CDC42BPA: variants seen among roughly 807,000 people sequenced by gnomAD.
CDC42BPA encodes the protein CDC42 binding protein kinase alpha.
Under a neutral mutation model 223.5 loss-of-function variants are expected in CDC42BPA, and 80 were observed. The ratio of observed to expected loss-of-function variants is 0.36; its 90% CI spans 0.30 to 0.43. The LOEUF is 0.43. Among genes scored for constraint, CDC42BPA ranks in the 20% least tolerant of loss-of-function variants. The pLI is 1.00. For synonymous variants in CDC42BPA, 694 were observed against 718.6 expected (o/e 0.97, Z 0.55); for missense variants, 1,743 against 2,099.9 (o/e 0.83, Z 3.32).
intron 6 of CDC42BPA, among the ~76,000 whole-genome samples, chr1:227,148,802 T>C (rs1347406858): frequency 3.2e-5 from 3 of 92,570 alleles, no homozygotes; most frequent in East Asian, 2.9e-4. Context: ...AAAAAAAAGC[T>C]AGATAAAATA....
intron 3 of CDC42BPA, 44 bp downstream of exon 3, chr1:227,213,092 A>G (rs779941209): frequency 1.0e-6 from 1 of 967,992 alleles, no homozygotes; most frequent in Non-Finnish European, 1.6e-6. Context: ...TTCCTGAAAA[A>G]TATTTCTAAA....
intron 16 of CDC42BPA, among the ~76,000 whole-genome samples, chr1:227,082,662 C>G (rs1031910406): frequency 7.5e-6 from 1 of 133,154 alleles, no homozygotes; most frequent in Non-Finnish European, 1.5e-5. Context: ...TTGCAGTGAG[C>G]TGAGATTGCG....
chr1:227,188,229 A>G (rs1477076910), intron 5 of CDC42BPA, among the ~76,000 whole-genome samples: 1 of 152,212 alleles, frequency 6.6e-6, no homozygotes, highest in Non-Finnish European at 1.5e-5. Context: ...CAATGATACA[A>G]GGGACAAGAA....
Position 227,003,041 on chromosome 1 carries a change from T to C in CDC42BPA, c.4975+1953A>G, listed in dbSNP as rs990502477. ...TTCTTATGCAGCAAGAGATAACTAATACAGCATCATTCATCTTTATGTCGT... is the reference window on the plus strand; with the variant it reads ...TTCTTATGCAGCAAGAGATAACTAACACAGCATCATTCATCTTTATGTCGT... On this transcript the variant is annotated intron_variant, in intron 35 of 36. Transcript: ENST00000366766. Among the ~76,000 whole-genome samples, 41 of 152,118 alleles carry C rather than the reference T, an allele frequency of 2.7e-4. 1 individual carries two copies. Among genetic ancestry groups the C allele is most frequent in the Admixed American group, 2.4e-3 (36 of 15,274 alleles).
chr1:227,066,472 G>A (rs904257339), intron 21 of CDC42BPA, among the ~76,000 whole-genome samples: 1 of 152,138 alleles, frequency 6.6e-6, no homozygotes, highest in Non-Finnish European at 1.5e-5. Context: ...AGCGTTATGC[G>A]AAATATCTTG....
chr1:227,266,861 A>G (rs1040834910), intron 1 of CDC42BPA, among the ~76,000 whole-genome samples: 2 of 152,244 alleles, frequency 1.3e-5, no homozygotes, highest in African/African-American at 4.8e-5. Context: ...TGACCTAAAT[A>G]GTCCATTTAT....
intron 1 of CDC42BPA, among the ~76,000 whole-genome samples, chr1:227,277,703 A>T (rs1238801188): frequency 6.6e-6 from 1 of 152,220 alleles, no homozygotes; most frequent in Admixed American, 6.5e-5. Context: ...TTTACTAAAA[A>T]TTTAAAATCT....
chr1:227,199,525 A>C, intron 4 of CDC42BPA, 32 bp downstream of exon 4: 1 of 1,162,980 alleles, frequency 8.6e-7, no homozygotes, highest in Non-Finnish European at 1.3e-6. Context: ...CAACAAAAAA[A>C]CAGTATATAG....
chr1:227,310,181 T>C (rs566839668), intron 1 of CDC42BPA, among the ~76,000 whole-genome samples: 1 of 152,362 alleles, frequency 6.6e-6, no homozygotes, highest in East Asian at 1.9e-4. Flanking sequence ...AAAAAAAGCC[T>C]ATTCCATAGT....
chr1:227,088,289 C>G (rs1333585949), intron 16 of CDC42BPA, among the ~76,000 whole-genome samples: 2 of 152,110 alleles, frequency 1.3e-5, no homozygotes, highest in African/African-American at 4.8e-5. Context: ...CAAAGATGAC[C>G]TGCACATAGT....
chr1:227,268,811 A>C (rs1470808228), intron 1 of CDC42BPA, among the ~76,000 whole-genome samples: 1 of 151,476 alleles, frequency 6.6e-6, no homozygotes, highest in Non-Finnish European at 1.5e-5. Context: ...TCAGCCTCCC[A>C]AGTAGCTGCG....
intron 14 of CDC42BPA, among the ~76,000 whole-genome samples, chr1:227,108,693 T>G (rs1572859246): frequency 1.3e-5 from 2 of 152,286 alleles, no homozygotes; most frequent in East Asian, 3.9e-4. Context: ...TATACAATGG[T>G]ACAGTGTTTG....
At chr1:227,293,057 T>C (rs1689967389) in intron 1 of CDC42BPA, among the ~76,000 whole-genome samples, 1 of 152,170 alleles carries the variant, frequency 6.6e-6, no homozygotes, top group Non-Finnish European at 1.5e-5. Flanking sequence ...GATTTAACTG[T>C]ATCAAAACAT....
chr1:227,303,204 C>G (rs1011948638), intron 1 of CDC42BPA, among the ~76,000 whole-genome samples: 2 of 152,154 alleles, frequency 1.3e-5, no homozygotes, highest in African/African-American at 4.8e-5. Context: ...CCCCTGATAA[C>G]AAATCTCACT....
chr1:227,297,989 C>CAT (rs1205408321), intron 1 of CDC42BPA, among the ~76,000 whole-genome samples: 2 of 134,158 alleles, frequency 1.5e-5, no homozygotes, highest in African/African-American at 5.3e-5. Flanking sequence ...CACATATATA[C>CAT]ATATATATAC....
chr1:227,241,652 C>T (rs1312213362), intron 2 of CDC42BPA, among the ~76,000 whole-genome samples: 2 of 152,090 alleles, frequency 1.3e-5, no homozygotes, highest in Non-Finnish European at 2.9e-5. Flanking sequence ...CTCAGAACAG[C>T]GGTTGCCATT....
intron 1 of CDC42BPA, among the ~76,000 whole-genome samples, chr1:227,267,861 AG>A (rs1298981927): frequency 6.6e-6 from 1 of 152,058 alleles, no homozygotes; most frequent in Non-Finnish European, 1.5e-5. Context: ...CCTCAATACG[AG>A]GGGGTAACAA....
intron 1 of CDC42BPA, among the ~76,000 whole-genome samples, chr1:227,314,330 CTA>C (rs1694021246): frequency 6.6e-6 from 1 of 151,990 alleles, no homozygotes; most frequent in Middle Eastern, 3.2e-3. Context: ...TAAATGTGAT[CTA>C]TAGTCTTAAG....
chr1:227,192,861 CAT>C (rs1669946212), intron 5 of CDC42BPA, among the ~76,000 whole-genome samples: 1 of 151,922 alleles, frequency 6.6e-6, no homozygotes, highest in African/African-American at 2.4e-5. Context: ...TCTTGAGAAA[CAT>C]AAAATATATA....
Sources: gnomAD v4.1 joint callset for allele counts (sites outside exome capture counted in the v4.1 genomes callset) on GRCh38, gnomAD v4.1.1 for gene constraint, MANE v1.5 for transcripts, NCBI Gene and HGNC (gene_info 2026-07-23, HGNC 2026-07-21) for gene names.